Variants in CCHCR1 observed in about 807,000 individuals in gnomAD.
CCHCR1 encodes HCR (a-helix coiled-coil rod homologue).
A neutral mutation model predicts 114.6 loss-of-function variants in CCHCR1; 91 were observed. The ratio of observed to expected loss-of-function variants is 0.79; its 90% CI spans 0.67 to 0.94. The LOEUF (loss-of-function observed/expected upper bound fraction) is 0.94, where lower values mean the gene tolerates loss of function less well. Among genes scored for constraint, CCHCR1 ranks in the 40% least tolerant of loss-of-function variants. The pLI, the probability that CCHCR1 is intolerant of heterozygous loss-of-function variation, is 0.00. For synonymous variants in CCHCR1, 379 were observed against 428.5 expected (o/e 0.88, Z 1.43); for missense variants, 899 against 1,079.9 (o/e 0.83, Z 2.35).
In CCHCR1 at chr6:31,151,668, C is replaced by T. The variant is rs72863043; in HGVS notation, c.802-546G>A. 0.085 allele frequency among the ~76,000 whole-genome samples: 12,889 copies of T among 152,252 alleles called. 662 individuals carry two copies. The highest frequency in any genetic ancestry group is 0.16 in the Middle Eastern group (46 of 294). Reference sequence around the variant, plus strand: ...ACCGTCCCTCCCCACCCTACTCTGCCCCATCAGCTGTTCACGTCCTCCTGA... The same window carrying T: ...ACCGTCCCTCCCCACCCTACTCTGCTCCATCAGCTGTTCACGTCCTCCTGA... On this transcript the variant is annotated intron_variant, in intron 4 of 17. Coordinates refer to ENST00000396268, the MANE Select transcript of CCHCR1 (RefSeq NM_001105564.2). This position sits in a 1 kb window ranked among gnomAD's most constrained non-coding sequence, Gnocchi z 4.1.
Position 31,148,854 on chromosome 6 carries a change from C to CGGGGGGGGGGGGGGGG in CCHCR1, c.1363-127_1363-126insCCCCCCCCCCCCCCCC, listed in dbSNP as rs2151021345. On this transcript the variant is annotated intron_variant, in intron 8 of 17. Coordinates refer to ENST00000396268, the MANE Select transcript of CCHCR1 (RefSeq NM_001105564.2). ...ATGCAGGGGCTGGGGGGAGGGGGGG[C>CGGGGGGGGGGGGGGGG]GGGCGACGGGGGTGGGTTGCAGCAC... 3.8e-5 allele frequency: 2 copies of CGGGGGGGGGGGGGGGG among 53,174 alleles called. 1 individual carries two copies. Among genetic ancestry groups the CGGGGGGGGGGGGGGGG allele is most frequent in the Non-Finnish European group, 6.2e-5 (2 of 32,158 alleles). The allele number at this position is 53,174 out of a possible 1,614,324, so 3.3% of individuals were successfully genotyped here. A position where few individuals can be genotyped will look rare whatever the true frequency, so the allele number is the denominator to read the frequency against.
chr6:31,146,252 C>T (rs983418278), intron 10 of CCHCR1, among the ~76,000 whole-genome samples: 1 of 152,000 alleles, frequency 6.6e-6, no homozygotes, highest in Non-Finnish European at 1.5e-5. Context: ...AGCTGAGGCA[C>T]GAGAATCACT....
rs777231387 is a variant in CCHCR1 at position 31,144,965 on chromosome 6, C to T, written c.1985G>A (p.Arg662His). ...CTCTGTGCTCTCCTGCTGGCCCTGG[C>T]GTGCTACCTCCAGCTGCAGCCCCAA... ...ASLGLQLEVA[R>H]QGQQESTEEA... The change falls in exon 14 of 18, where the codon CGC becomes CAC. Residue 662 changes from arginine to histidine, a missense_variant. By Grantham distance (29) the Arg-to-His change is conservative. Coordinates refer to ENST00000396268, the MANE Select transcript of CCHCR1 (RefSeq NM_001105564.2). The surrounding 1 kb of genome is among the most constrained non-coding windows in gnomAD (Gnocchi z 4.6). The T allele has an allele frequency of 3.7e-6, 6 of 1,610,038 alleles. No homozygotes were observed. The highest frequency in any genetic ancestry group is 4.5e-5 in the East Asian group (2 of 44,866).
rs745845912 is a variant in CCHCR1, at chr6:31,145,794, A to T, written c.1595T>A (p.Leu532His). 2 of 1,611,868 alleles carry T rather than the reference A, an allele frequency of 1.2e-6. No homozygotes were observed. The highest frequency in any genetic ancestry group is 1.7e-6 in the Non-Finnish European group (2 of 1,179,118). ...VNAVSSSQIW[L>H]ETTMAKVEGA... ...TTCCACCTTAGCCATGGTGGTCTCG[A>T]GCCAGATCTGAGAGCTGGAGAGGGC... The change falls in exon 11 of 18, where the codon CTC (leucine) becomes CAC (histidine). Residue 532 changes from leucine to histidine, a missense_variant. Coordinates refer to ENST00000396268, the MANE Select transcript of CCHCR1 (RefSeq NM_001105564.2).
Position 31,150,689 on chromosome 6 carries a change from C to G in CCHCR1, c.1101+36G>C. ...CCACGCTTGCCTCCCAACCTGATCC[C>G]TAAGTCTGCACACAGATACATTCCT... On this transcript the variant is annotated intron_variant, in intron 6 of 17. Transcript: ENST00000396268. This position sits in a 1 kb window ranked among gnomAD's most constrained non-coding sequence, Gnocchi z 5.3. 2 of 1,606,752 alleles carry G rather than the reference C, an allele frequency of 1.2e-6. No individual in the cohort carries two copies. The highest frequency in any genetic ancestry group is 1.7e-6 in the Non-Finnish European group (2 of 1,176,466).
intron 10 of CCHCR1, among the ~76,000 whole-genome samples, chr6:31,147,947 C>T (rs923827079): frequency 2.0e-5 from 3 of 152,080 alleles, no homozygotes; most frequent in African/African-American, 7.2e-5. Context: ...CATTGCACTC[C>T]AGCCTGGGTG....
Position 31,144,904 on chromosome 6 carries a change from C to T in CCHCR1, c.2046G>A (p.Gln682=), listed in dbSNP as rs1197879578. 5.6e-6 allele frequency: 9 copies of T among 1,613,384 alleles called. No individual in the cohort carries two copies. Among genetic ancestry groups the T allele is most frequent in the Non-Finnish European group, 6.8e-6 (8 of 1,179,968 alleles). ...CGACACCTTGCCCGTAGAGTTCCTG[C>T]TGCTGGGTCAGCTCCTGCCGCAGAC... The part of the protein sequence containing the change: ...AASLRQELTQ[Q]QELYGQALQE... Residue 682 remains glutamine (Q), a synonymous_variant, in exon 14 of 18, where the codon CAG becomes CAA. Coordinates refer to ENST00000396268, the MANE Select transcript of CCHCR1 (RefSeq NM_001105564.2). The surrounding 1 kb of genome is among the most constrained non-coding windows in gnomAD (Gnocchi z 4.6).
In CCHCR1 at chr6:31,143,089, G is replaced by C; in HGVS notation, c.2365C>G (p.Arg789Gly). The C allele has an allele frequency of 6.2e-7, 1 of 1,612,976 alleles. No individual in the cohort carries two copies. Among genetic ancestry groups the C allele is most frequent in the Admixed American group, 1.7e-5 (1 of 60,018 alleles). Residue 789 changes from arginine to glycine, a missense_variant, in exon 17 of 18, where the codon CGA (arginine) becomes GGA (glycine). Arg to Gly is a moderately radical substitution (Grantham distance 125, BLOSUM62 -2). Coordinates refer to ENST00000396268, the MANE Select transcript of CCHCR1 (RefSeq NM_001105564.2). This position sits in a 1 kb window ranked among gnomAD's most constrained non-coding sequence, Gnocchi z 5.3. ...EGLLSRYKQQ[R>G]LLTVLPSLLD... ...AGGGAAGGAAGAACTGTCAACAGTC[G>C]CTGCTGCTTGTAACGGGAGAGGAGA...
Position 31,143,227 on chromosome 6 carries a change from C to T in CCHCR1, c.2319+35G>A. ...GCCCAGGAACCAGCCCAGGATGGGC[C>T]CTAGTGTCTGCCTGTCTGCCCTCCT... On this transcript the variant is annotated intron_variant, in intron 16 of 17. Coordinates refer to ENST00000396268, the MANE Select transcript of CCHCR1 (RefSeq NM_001105564.2). The surrounding 1 kb of genome is among the most constrained non-coding windows in gnomAD (Gnocchi z 5.3). 1 of 1,611,936 alleles carries T rather than the reference C, an allele frequency of 6.2e-7. No homozygotes were observed. The highest frequency in any genetic ancestry group is 8.5e-7 in the Non-Finnish European group (1 of 1,179,662).
At chr6:31,157,120 A>G (rs574142190) in intron 1 of CCHCR1, 31 bp from the exon 2 acceptor site, 3 of 1,573,186 alleles carry the variant, frequency 1.9e-6, no homozygotes, top group South Asian at 1.1e-5. Context: ...AGACACTCCA[A>G]TTCAATTTTC....
At chr6:31,148,583 T>C (rs1774697163) in intron 9 of CCHCR1, 35 bp downstream of exon 9, 1 of 1,595,598 alleles carries the variant, frequency 6.3e-7, no homozygotes, top group Non-Finnish European at 8.6e-7. Context: ...GGGGCTCCCT[T>C]GCCCTCCCCG....
At position 31,150,726 on chromosome 6, in the gene CCHCR1, T is replaced by G; in HGVS notation, c.1100A>C (p.Gln367Pro). The part of the protein sequence containing the change: ...LERQKLLETM[Q>P]HLQEDRDSLH... ...ACAGATACATTCCTGCACCCTCACC[T>G]GCATGGTTTCCAGAAGCTTCTGTCG... is the stretch of plus-strand genomic sequence containing the variant. Residue 367 changes from glutamine to proline, a missense_variant and splice_region_variant, in exon 6 of 18, where the codon CAG becomes CCG. By Grantham distance (76) the Gln-to-Pro change is moderately conservative. Transcript: ENST00000396268. The surrounding 1 kb of genome is among the most constrained non-coding windows in gnomAD (Gnocchi z 5.3). The G allele has an allele frequency of 6.2e-7, 1 of 1,612,380 alleles. No individual in the cohort carries two copies.
intron 4 of CCHCR1, among the ~76,000 whole-genome samples, chr6:31,152,957 G>A (rs115307579): frequency 0.014 from 2,105 of 151,984 alleles, 42 homozygotes; most frequent in African/African-American, 0.048. Context: ...GACTTCACAC[G>A]CCTCTTCACT....
In CCHCR1 at chr6:31,151,288, C is replaced by T. The variant is rs1052454761; in HGVS notation, c.802-166G>A. Among the ~76,000 whole-genome samples the T allele has an allele frequency of 6.6e-6, 1 of 152,200 alleles. No individual in the cohort carries two copies. The highest frequency in any genetic ancestry group is 6.5e-5 in the Admixed American group (1 of 15,280). ...CTCACTCTCCGCAGCTGCCCCACAA[C>T]CCATCAGGAGTTCTTGTCCGATCTC... On this transcript the variant is annotated intron_variant, in intron 4 of 17. Coordinates refer to ENST00000396268, the MANE Select transcript of CCHCR1 (RefSeq NM_001105564.2). The surrounding 1 kb of genome is among the most constrained non-coding windows in gnomAD (Gnocchi z 4.1).
At position 31,151,239 on chromosome 6, in the gene CCHCR1, G is replaced by C; in HGVS notation, c.802-117C>G. The C allele has an allele frequency of 8.9e-7, 1 of 1,125,036 alleles. No individual in the cohort carries two copies. The allele number at this position is 1,125,036 out of a possible 1,614,324, so 69.7% of individuals were successfully genotyped here. A position where few individuals can be genotyped will look rare whatever the true frequency, so the allele number is the denominator to read the frequency against. ...ATGACCCAACCAATCAGCCAACTGTGCACAGCAAATGGAGAGCTGGCAACT... is the reference window on the plus strand; with the variant it reads ...ATGACCCAACCAATCAGCCAACTGTCCACAGCAAATGGAGAGCTGGCAACT... On this transcript the variant is annotated intron_variant, in intron 4 of 17. Coordinates refer to ENST00000396268, the MANE Select transcript of CCHCR1 (RefSeq NM_001105564.2). This position sits in a 1 kb window ranked among gnomAD's most constrained non-coding sequence, Gnocchi z 4.1.
rs985661054 is a variant in CCHCR1 at position 31,145,890 on chromosome 6, T to C, written c.1581-82A>G. The C allele has an allele frequency of 1.9e-5, 15 of 792,836 alleles. No homozygotes were observed. In the East Asian group the frequency reaches 3.8e-4, roughly 20 times the overall value. 49.1% of individuals were successfully genotyped at this position (792,836 alleles called of 1,614,324 possible). On this transcript the variant is annotated intron_variant, in intron 10 of 17. Transcript: ENST00000396268. ...GCTGTGCCTTGTATAGACAACTCCC[T>C]CTAATCCTGTCCCATTATACAAGTA...
chr6:31,151,013 G>A lies in CCHCR1; in HGVS notation c.911C>T (p.Ala304Val), dbSNP rs1581943288. The part of the protein sequence containing the change: ...SSLETRRAGE[A>V]KELAEAQREA... ...CCTCTGAGCCTCGGCCAGCTCCTTG[G>A]CTTCCCCTGCTCTTCTGGTTTCCAG... The change falls in exon 5 of 18, where the codon GCC (alanine) becomes GTC (valine). Residue 304 changes from alanine (A) to valine (V), a missense_variant. Transcript: ENST00000396268. The surrounding 1 kb of genome is among the most constrained non-coding windows in gnomAD (Gnocchi z 4.1). 6.2e-7 allele frequency: 1 copy of A among 1,613,020 alleles called. No individual in the cohort carries two copies. Among genetic ancestry groups the A allele is most frequent in the African/African-American group, 1.3e-5 (1 of 75,044 alleles).
At position 31,151,281 on chromosome 6, in the gene CCHCR1, C is replaced by G. The variant is rs925912330; in HGVS notation, c.802-159G>C. ...CTGGCAACTCACTCTCCGCAGCTGC[C>G]CCACAACCCATCAGGAGTTCTTGTC... On this transcript the variant is annotated intron_variant, in intron 4 of 17. Transcript: ENST00000396268. The surrounding 1 kb of genome is among the most constrained non-coding windows in gnomAD (Gnocchi z 4.1). Among the ~76,000 whole-genome samples, 5 of 152,208 alleles carry G rather than the reference C, an allele frequency of 3.3e-5. No individual in the cohort carries two copies. The highest frequency in any genetic ancestry group is 7.3e-5 in the Non-Finnish European group (5 of 68,042).
chr6:31,155,332 C>A (rs1285015804), intron 3 of CCHCR1, among the ~76,000 whole-genome samples: 2 of 151,904 alleles, frequency 1.3e-5, no homozygotes, highest in African/African-American at 4.8e-5. Context: ...TGGCTGGGCG[C>A]GGTGGCTCAT....
Sources: gnomAD v4.1 joint callset for allele counts (sites outside exome capture counted in the v4.1 genomes callset) on GRCh38, gnomAD v4.1.1 for gene constraint, Gnocchi (gnomAD v3.1) non-coding constraint, MANE v1.5 for transcripts, NCBI Gene and HGNC (gene_info 2026-07-23, HGNC 2026-07-21) for gene names.